RASA2: variants seen among roughly 807,000 people sequenced by gnomAD.
RASA2 encodes ras GTPase-activating protein 2.
Under a neutral mutation model 118.2 loss-of-function variants are expected in RASA2, and 155 were observed. The ratio of observed to expected loss-of-function variants is 1.31; its 90% CI spans 1.15 to 1.50. The LOEUF (loss-of-function observed/expected upper bound fraction) is 1.50. Among genes scored for constraint, RASA2 ranks in the 40% most tolerant of loss-of-function variants. The probability of loss-of-function intolerance (pLI) is 0.00; values close to 1 mark genes in which losing one functional copy is unlikely to be tolerated. For synonymous variants in RASA2, 353 were observed against 349.1 expected (o/e 1.01, Z -0.12); for missense variants, 1,016 against 1,009.6 (o/e 1.01, Z -0.09).
Position 141,597,642 on chromosome 3 carries a change from T to TA in RASA2, c.1934-10029dup, listed in dbSNP as rs764676847. Among the ~76,000 whole-genome samples the TA allele has an allele frequency of 4.6e-5, 7 of 152,192 alleles. No individual in the cohort carries two copies. In the South Asian group the frequency reaches 8.3e-4, roughly 18 times the overall value. ...CTCACCTTAATAAAGCTTTTATTTT[T>TA]AAAAAAAGAAAGGATAAAATCAAAT... On this transcript the variant is annotated intron_variant, in intron 19 of 23. Coordinates refer to ENST00000286364, the MANE Select transcript of RASA2 (RefSeq NM_006506.5).
chr3:141,606,081 C>T (rs1442190605), intron 19 of RASA2, among the ~76,000 whole-genome samples: 1 of 152,206 alleles, frequency 6.6e-6, no homozygotes, highest in Non-Finnish European at 1.5e-5. Context: ...ACATGCAACT[C>T]ACCGATTAAT....
intron 5 of RASA2, among the ~76,000 whole-genome samples, chr3:141,551,766 C>A (rs1196822381): frequency 6.6e-6 from 1 of 151,778 alleles, no homozygotes; most frequent in African/African-American, 2.4e-5. Flanking sequence ...AAAAAAAATC[C>A]AAAGAAAAGA....
chr3:141,515,898 CAAA>C (rs35995449), intron 2 of RASA2, among the ~76,000 whole-genome samples: 8 of 102,634 alleles, frequency 7.8e-5, no homozygotes, highest in Non-Finnish European at 7.8e-5. Flanking sequence ...GACTCTGTCT[CAAA>C]AAAAAAAAAA....
chr3:141,580,965 C>A, intron 16 of RASA2, 135 bp from the exon 17 acceptor site: 3 of 912,340 alleles, frequency 3.3e-6, no homozygotes, highest in Middle Eastern at 2.8e-4. Context: ...AGAAGTCTTC[C>A]ACTCCAAGCC....
chr3:141,583,705 A>C (rs1193970928), intron 17 of RASA2, among the ~76,000 whole-genome samples: 1 of 152,162 alleles, frequency 6.6e-6, no homozygotes, highest in African/African-American at 2.4e-5. Context: ...AAAACTCCTT[A>C]AGTCTGAGCT....
intron 4 of RASA2, among the ~76,000 whole-genome samples, chr3:141,533,061 T>A (rs2082281361): frequency 6.6e-6 from 1 of 152,168 alleles, no homozygotes; most frequent in African/African-American, 2.4e-5. Flanking sequence ...TGTCTCTTCC[T>A]CTGCTTCTCT....
Position 141,574,077 on chromosome 3 carries a change from T to TTA in RASA2, c.1483+11_1483+12insAT, listed in dbSNP as rs2082969435. 1.4e-6 allele frequency: 2 copies of TTA among 1,443,124 alleles called. No homozygotes were observed. Among genetic ancestry groups the TTA allele is most frequent in the African/African-American group, 2.9e-5 (2 of 69,598 alleles). The allele number at this position is 1,443,124 out of a possible 1,614,324, so 89.4% of individuals were successfully genotyped here. Reference sequence around the variant, plus strand: ...ACTCAGAGATTTCCTAGTAAGTGCCTTGTTTTACTAAAACATGCCATTTAT... The same window carrying TTA: ...ACTCAGAGATTTCCTAGTAAGTGCCTTATGTTTTACTAAAACATGCCATTTAT... On this transcript the variant is annotated intron_variant, in intron 14 of 23. Coordinates refer to ENST00000286364, the MANE Select transcript of RASA2 (RefSeq NM_006506.5).
intron 5 of RASA2, among the ~76,000 whole-genome samples, chr3:141,541,864 C>T (rs1025211090): frequency 6.7e-6 from 1 of 150,216 alleles, no homozygotes; most frequent in Middle Eastern, 3.2e-3. Flanking sequence ...AAAAATAGTT[C>T]AAGATCTGTT....
chr3:141,571,766 C>T (rs1233871197), intron 11 of RASA2, among the ~76,000 whole-genome samples: 3 of 151,984 alleles, frequency 2.0e-5, no homozygotes, highest in Non-Finnish European at 4.4e-5. Context: ...GGATGTTTTT[C>T]TTTAACTCAG....
At chr3:141,495,838 ATGTTCATAC>A (rs2081694524) in intron 1 of RASA2, among the ~76,000 whole-genome samples, 1 of 152,234 alleles carries the variant, frequency 6.6e-6, no homozygotes. Context: ...AATGGATAAT[ATGTTCATAC>A]ACGTATTCTA....
At chr3:141,521,612 A>G (rs969923382) in intron 3 of RASA2, among the ~76,000 whole-genome samples, 1 of 152,182 alleles carries the variant, frequency 6.6e-6, no homozygotes, top group African/African-American at 2.4e-5. Context: ...TTTTGAAAGT[A>G]AAAATCAACT....
intron 1 of RASA2, among the ~76,000 whole-genome samples, chr3:141,488,220 TAAGA>T (rs756785391): frequency 6.6e-5 from 10 of 152,312 alleles, no homozygotes; most frequent in Non-Finnish European, 8.8e-5. Flanking sequence ...TTTCTGTTTG[TAAGA>T]GAGATCAATA....
At chr3:141,527,234 T>C (rs1329289430) in intron 3 of RASA2, among the ~76,000 whole-genome samples, 1 of 152,204 alleles carries the variant, frequency 6.6e-6, no homozygotes, top group Non-Finnish European at 1.5e-5. Flanking sequence ...ATGTATTATA[T>C]GTATGTACAT....
chr3:141,519,025 G>T (rs1218458614), intron 3 of RASA2, among the ~76,000 whole-genome samples: 8 of 152,124 alleles, frequency 5.3e-5, no homozygotes. Context: ...CAATGGTGTT[G>T]CTATGAACAA....
intron 4 of RASA2, among the ~76,000 whole-genome samples, chr3:141,534,804 C>A (rs1276156854): frequency 1.3e-5 from 2 of 151,574 alleles, no homozygotes; most frequent in Admixed American, 6.6e-5. Flanking sequence ...CATTCTAGAT[C>A]ATATTAAATA....
Position 141,545,816 on chromosome 3 carries a change from C to T in RASA2, c.527+5207C>T, listed in dbSNP as rs369782994. On this transcript the variant is annotated intron_variant, in intron 5 of 23. Coordinates refer to ENST00000286364, the MANE Select transcript of RASA2 (RefSeq NM_006506.5). ...AGTCACCTTCTTATGCTGTTAAATA[C>T]GAGATCTTATCCATTATATCTAACT... Among the ~76,000 whole-genome samples, 16 of 152,136 alleles carry T rather than the reference C, an allele frequency of 1.1e-4. No homozygotes were observed. The East Asian group carries it at 1.9e-3, about 18-fold the overall frequency.
At chr3:141,538,524 T>A (rs1361814080) in intron 4 of RASA2, among the ~76,000 whole-genome samples, 1 of 152,218 alleles carries the variant, frequency 6.6e-6, no homozygotes, top group Non-Finnish European at 1.5e-5. Flanking sequence ...CATTATAGTA[T>A]GTACCCTATT....
chr3:141,531,414 A>G (rs1042571089), intron 4 of RASA2, among the ~76,000 whole-genome samples: 3 of 151,784 alleles, frequency 2.0e-5, no homozygotes, highest in African/African-American at 2.4e-5. Context: ...GTGTGTGTAT[A>G]TATATGTGTG....
intron 9 of RASA2, among the ~76,000 whole-genome samples, chr3:141,561,256 C>A (rs1390841134): frequency 3.9e-5 from 6 of 152,108 alleles, no homozygotes; most frequent in African/African-American, 1.4e-4. Flanking sequence ...CCACTCAGTA[C>A]AGAAGAGAAA....
Sources: gnomAD v4.1 joint callset for allele counts (sites outside exome capture counted in the v4.1 genomes callset) on GRCh38, gnomAD v4.1.1 for gene constraint, MANE v1.5 for transcripts, NCBI Gene and HGNC (gene_info 2026-07-23, HGNC 2026-07-21) for gene names.